The following ST18 variants were observed in gnomAD, a reference collection of about 807,000 sequenced individuals.
ST18 encodes the protein ST18 C2H2C-type zinc finger transcription factor, also known as suppression of tumorigenicity 18 protein.
In ST18, 50 loss-of-function variants were observed where a neutral mutation model predicts 110.0. The observed-to-expected ratio is 0.45, with a 90% CI of 0.36 to 0.58. The LOEUF (loss-of-function observed/expected upper bound fraction) is 0.58. Among genes scored for constraint, ST18 ranks in the 20% least tolerant of loss-of-function variants. ST18 has a pLI of 0.00. For synonymous variants in ST18, 461 were observed against 452.4 expected, an observed-to-expected ratio of 1.02 and a Z score of -0.24; for missense variants, 1,306 against 1,280.1, an observed-to-expected ratio of 1.02 and a Z score of -0.31.
chr8:52,334,515 G>A (rs556620683), intron 2 of ST18, among the ~76,000 whole-genome samples: 3 of 152,284 alleles, frequency 2.0e-5, no homozygotes, highest in South Asian at 2.1e-4. Context: ...AGGATAACTA[G>A]ACAGATACTG....
intron 2 of ST18, among the ~76,000 whole-genome samples, chr8:52,401,131 T>G (rs759056262): frequency 6.6e-6 from 1 of 152,200 alleles, no homozygotes; most frequent in Non-Finnish European, 1.5e-5. Flanking sequence ...CTTTCAGCAC[T>G]TTTAAGTATA....
intron 2 of ST18, among the ~76,000 whole-genome samples, chr8:52,350,921 T>C (rs1206163742): frequency 3.9e-5 from 6 of 151,946 alleles, no homozygotes; most frequent in Admixed American, 3.9e-4. Flanking sequence ...GGGGTTTCAC[T>C]GTGTTAGTCA....
chr8:52,172,621 C>T lies in ST18; in HGVS notation c.278-38G>A, dbSNP rs752021715. 7 of 1,493,128 alleles carry T rather than the reference C, an allele frequency of 4.7e-6. 1 individual carries two copies. In the Admixed American group the frequency reaches 1.7e-4, roughly 37 times the overall value. The allele number at this position is 1,493,128 out of a possible 1,614,324, so 92.5% of individuals were successfully genotyped here. ...AAAACCAATATTTGAAGAGCAAGAA[C>T]AAAAAATATTTTAGGAAAATTGCAA... is the stretch of plus-strand genomic sequence containing the variant. On this transcript the variant is annotated intron_variant, in intron 9 of 25. Transcript: ENST00000689386.
At chr8:52,329,219 A>G (rs1203787062) in intron 2 of ST18, among the ~76,000 whole-genome samples, 1 of 131,650 alleles carries the variant, frequency 7.6e-6, no homozygotes, top group Non-Finnish European at 1.6e-5. Context: ...GCATGTATTT[A>G]TGTGTGTGTG....
intron 2 of ST18, among the ~76,000 whole-genome samples, chr8:52,331,909 T>C (rs1156475561): frequency 6.6e-6 from 1 of 152,152 alleles, no homozygotes; most frequent in African/African-American, 2.4e-5. Flanking sequence ...AATGAAGGAC[T>C]CCTCTTCTCA....
chr8:52,360,063 T>A (rs1825018604), intron 2 of ST18, among the ~76,000 whole-genome samples: 1 of 152,096 alleles, frequency 6.6e-6, no homozygotes, highest in South Asian at 2.1e-4. Flanking sequence ...AGAAACTAAT[T>A]TAAATATTAT....
chr8:52,113,453 C>G, intron 25 of ST18, 115 bp from the exon 26 acceptor site: 1 of 1,175,518 alleles, frequency 8.5e-7, no homozygotes, highest in Non-Finnish European at 1.2e-6. Flanking sequence ...GGCAAGGGTG[C>G]ATATGACTGC....
chr8:52,228,650 T>G (rs956876041), intron 3 of ST18, among the ~76,000 whole-genome samples: 1 of 152,186 alleles, frequency 6.6e-6, no homozygotes, highest in African/African-American at 2.4e-5. Flanking sequence ...TGTACTATCT[T>G]ACTTAGTCAT....
intron 8 of ST18, among the ~76,000 whole-genome samples, chr8:52,187,572 G>T (rs575966948): frequency 6.6e-6 from 1 of 152,240 alleles, no homozygotes; most frequent in East Asian, 1.9e-4. Context: ...ACTTTATTTG[G>T]TTTAGAATTA....
intron 2 of ST18, among the ~76,000 whole-genome samples, chr8:52,342,704 G>T (rs1815700338): frequency 6.6e-6 from 1 of 152,182 alleles, no homozygotes; most frequent in Non-Finnish European, 1.5e-5. Flanking sequence ...GCTGTGAAAA[G>T]ACGTTGAAAC....
intron 2 of ST18, among the ~76,000 whole-genome samples, chr8:52,394,335 T>C (rs1437649886): frequency 1.3e-5 from 2 of 152,186 alleles, no homozygotes; most frequent in Non-Finnish European, 2.9e-5. Flanking sequence ...TAAAAATATA[T>C]ATATCTTTAG....
At chr8:52,114,105 G>C (rs2041611448) in intron 25 of ST18, among the ~76,000 whole-genome samples, 1 of 151,330 alleles carries the variant, frequency 6.6e-6, no homozygotes, top group African/African-American at 2.4e-5. Context: ...AAGTAGCTGG[G>C]ATTACAGGAG....
At chr8:52,157,781 T>C (rs908210171) in intron 15 of ST18, among the ~76,000 whole-genome samples, 2 of 152,254 alleles carry the variant, frequency 1.3e-5, no homozygotes, top group Non-Finnish European at 2.9e-5. Flanking sequence ...TTCTGTCAAA[T>C]GCTCAGTGGC....
chr8:52,328,458 T>C (rs1807525574), intron 2 of ST18, among the ~76,000 whole-genome samples: 1 of 152,238 alleles, frequency 6.6e-6, no homozygotes, highest in Non-Finnish European at 1.5e-5. Flanking sequence ...CTAGCATTTA[T>C]TGACTGTTAT....
At position 52,180,237 on chromosome 8, in the gene ST18, C is replaced by G; in HGVS notation, c.162G>C (p.Arg54Ser). 6.2e-7 allele frequency: 1 copy of G among 1,614,196 alleles called. No homozygotes were observed. Among genetic ancestry groups the G allele is most frequent in the Non-Finnish European group, 8.5e-7 (1 of 1,180,042 alleles). The change falls in exon 9 of 26, where the codon AGG becomes AGC. Residue 54 changes from arginine (R) to serine (S), a missense_variant. By Grantham distance (110) the Arg-to-Ser change is moderately radical (BLOSUM62 -1). Transcript: ENST00000689386. Reference sequence around the variant, plus strand: ...GTCGGGGCTTCATTAGCAGGGATTTCCTTTTGTTGACTGGAACCCCCAAAG... The same window carrying G: ...GTCGGGGCTTCATTAGCAGGGATTTGCTTTTGTTGACTGGAACCCCCAAAG... ...DQALGVPVNK[R>S]KSLLMKPRHY...
chr8:52,295,802 A>G (rs1288607853), intron 2 of ST18, among the ~76,000 whole-genome samples: 2 of 147,258 alleles, frequency 1.4e-5, no homozygotes, highest in Non-Finnish European at 1.5e-5. Context: ...CTGGACTTGC[A>G]GCGCCAGTTC....
intron 2 of ST18, among the ~76,000 whole-genome samples, chr8:52,380,259 A>G (rs1395396812): frequency 6.6e-6 from 1 of 152,246 alleles, no homozygotes; most frequent in Non-Finnish European, 1.5e-5. Flanking sequence ...TATACAATAC[A>G]GAACTATAAA....
chr8:52,244,080 A>C (rs969008176), intron 2 of ST18, among the ~76,000 whole-genome samples: 1 of 152,166 alleles, frequency 6.6e-6, no homozygotes, highest in Non-Finnish European at 1.5e-5. Context: ...TTATGGAAGA[A>C]ACATTCCCAA....
At chr8:52,367,629 C>A (rs1828644099) in intron 2 of ST18, among the ~76,000 whole-genome samples, 1 of 151,994 alleles carries the variant, frequency 6.6e-6, no homozygotes, top group Non-Finnish European at 1.5e-5. Context: ...TTACAATAGC[C>A]CCAAAAGGAG....
Sources: allele counts gnomAD v4.1 joint callset (sites outside exome capture counted in the v4.1 genomes callset), GRCh38; gene constraint gnomAD v4.1.1; transcripts MANE v1.5; gene names NCBI Gene and HGNC (gene_info 2026-07-23, HGNC 2026-07-21).